The following SLC24A2 variants were observed in gnomAD, a reference collection of about 807,000 sequenced individuals.
SLC24A2 encodes the protein solute carrier family 24 member 2, also known as sodium/potassium/calcium exchanger 2.
A neutral mutation model predicts 62.0 loss-of-function variants in SLC24A2; 36 were observed. That is an observed-to-expected ratio of 0.58 (90% CI 0.44 to 0.77). The LOEUF is 0.77. Ranked by LOEUF, SLC24A2 falls within the 30% of genes least tolerant of loss-of-function variation. The pLI is 0.00. For synonymous variants in SLC24A2, 358 were observed against 294.0 expected, an observed-to-expected ratio of 1.22 and a Z score of -2.23; for missense variants, 846 against 817.9, an observed-to-expected ratio of 1.03 and a Z score of -0.42.
intron 2 of SLC24A2, among the ~76,000 whole-genome samples, chr9:19,681,697 C>A (rs1006632643): frequency 1.3e-5 from 2 of 152,132 alleles, no homozygotes; most frequent in African/African-American, 4.8e-5. Flanking sequence ...CTTTATGCAG[C>A]ACAATCCATA....
the SLC24A2 span, among the ~76,000 whole-genome samples, chr9:20,024,684 G>T: frequency 6.6e-6 from 1 of 152,162 alleles, no homozygotes; most frequent in Non-Finnish European, 1.5e-5. Flanking sequence ...GTGTTCACTT[G>T]TGTGTGCGTG....
intron 2 of SLC24A2, among the ~76,000 whole-genome samples, chr9:19,685,185 T>G (rs1279792247): frequency 6.6e-6 from 1 of 152,012 alleles, no homozygotes; most frequent in East Asian, 1.9e-4. Flanking sequence ...AGAAAATACC[T>G]AGGAACACAG....
At chr9:19,710,959 C>T (rs1820697936) in intron 2 of SLC24A2, among the ~76,000 whole-genome samples, 1 of 152,192 alleles carries the variant, frequency 6.6e-6, no homozygotes, top group Admixed American at 6.5e-5. Flanking sequence ...AGAGAATGTA[C>T]TTAATAAATG....
chr9:19,571,671 A>C (rs1178215531), intron 7 of SLC24A2, among the ~76,000 whole-genome samples: 2 of 152,200 alleles, frequency 1.3e-5, no homozygotes, highest in Admixed American at 1.3e-4. Context: ...GAGAATTTGT[A>C]AGTACATTAA....
the SLC24A2 span, among the ~76,000 whole-genome samples, chr9:19,795,461 C>T: frequency 6.6e-6 from 1 of 152,206 alleles, no homozygotes. Flanking sequence ...TTGAACCCCT[C>T]AAATACTCCA....
the SLC24A2 span, among the ~76,000 whole-genome samples, chr9:20,096,736 G>C: frequency 1.4e-5 from 2 of 139,110 alleles, no homozygotes; most frequent in East Asian, 2.9e-4. Flanking sequence ...TCTTTGGCTT[G>C]GATTGAATAT....
intron 8 of SLC24A2, among the ~76,000 whole-genome samples, chr9:19,531,756 G>A (rs1833721068): frequency 7.6e-6 from 1 of 132,038 alleles, no homozygotes; most frequent in South Asian, 2.3e-4. Context: ...AATATGACTG[G>A]TATTGAAATC....
At chr9:20,070,452 T>C in the SLC24A2 span, among the ~76,000 whole-genome samples, 2 of 152,226 alleles carry the variant, frequency 1.3e-5, no homozygotes. Context: ...GTTTTGATTA[T>C]ATTTTCAGGG....
At chr9:19,754,337 A>G (rs1157204125) in intron 2 of SLC24A2, among the ~76,000 whole-genome samples, 1 of 152,206 alleles carries the variant, frequency 6.6e-6, no homozygotes, top group African/African-American at 2.4e-5. Flanking sequence ...TAGGACTTGG[A>G]GCATGACAAT....
At chr9:20,198,666 TCTCA>T in the SLC24A2 span, among the ~76,000 whole-genome samples, 8 of 151,984 alleles carry the variant, frequency 5.3e-5, no homozygotes, top group East Asian at 7.7e-4. Context: ...TCTCTCTCTC[TCTCA>T]CTCTCTCTCT....
chr9:19,920,151 C>G, the SLC24A2 span, among the ~76,000 whole-genome samples: 58,143 of 151,832 alleles, frequency 0.38, 11,684 homozygotes, highest in South Asian at 0.59. Flanking sequence ...GAAGTTTCTG[C>G]TAAGAAAATT....
chr9:19,940,794 A>C, the SLC24A2 span, among the ~76,000 whole-genome samples: 2 of 152,234 alleles, frequency 1.3e-5, no homozygotes, highest in Non-Finnish European at 2.9e-5. Flanking sequence ...CTCTCAATGC[A>C]CAGTTCAAAG....
chr9:20,173,884 A>T, the SLC24A2 span, among the ~76,000 whole-genome samples: 1 of 152,116 alleles, frequency 6.6e-6, no homozygotes, highest in Non-Finnish European at 1.5e-5. Context: ...AAGAACCCAC[A>T]AAGCCCAAGT....
chr9:20,260,448 G>A, the SLC24A2 span, among the ~76,000 whole-genome samples: 2 of 152,210 alleles, frequency 1.3e-5, no homozygotes, highest in Non-Finnish European at 2.9e-5. Context: ...TTAAAGTGAG[G>A]TGTAGAGAAC....
the SLC24A2 span, among the ~76,000 whole-genome samples, chr9:20,228,238 A>C: frequency 6.6e-6 from 1 of 152,078 alleles, no homozygotes; most frequent in Non-Finnish European, 1.5e-5. Flanking sequence ...AGTAGAAGAG[A>C]CTCTAGACAG....
the SLC24A2 span, among the ~76,000 whole-genome samples, chr9:19,823,297 TTGTGTGTGTGTGTGTG>T: frequency 6.7e-6 from 1 of 150,142 alleles, no homozygotes; most frequent in East Asian, 2.0e-4. Context: ...TGTATTAACA[TTGTGTGTGTGTGTGTG>T]TGTGTGTGTG....
the SLC24A2 span, among the ~76,000 whole-genome samples, chr9:19,806,662 A>C: frequency 4.7e-4 from 71 of 152,178 alleles, 1 homozygote; most frequent in Non-Finnish European, 9.1e-4. Context: ...AATATAACAA[A>C]GGTCAGTGAT....
the SLC24A2 span, among the ~76,000 whole-genome samples, chr9:19,958,908 T>C: frequency 6.6e-6 from 1 of 152,230 alleles, no homozygotes; most frequent in Non-Finnish European, 1.5e-5. Flanking sequence ...GAGGCCCTGC[T>C]TTAATACATG....
intron 7 of SLC24A2, among the ~76,000 whole-genome samples, chr9:19,572,509 T>C (rs1835867124): frequency 6.6e-6 from 1 of 152,092 alleles, no homozygotes; most frequent in South Asian, 2.1e-4. Flanking sequence ...TGAAAGTGTA[T>C]GGCACATCTC....
Sources: allele counts gnomAD v4.1 joint callset (sites outside exome capture counted in the v4.1 genomes callset), GRCh38; gene constraint gnomAD v4.1.1; transcripts MANE v1.5; gene names NCBI Gene and HGNC (gene_info 2026-07-23, HGNC 2026-07-21).